Variants in GABRA1 observed in about 807,000 individuals in gnomAD.
GABRA1 encodes gamma-aminobutyric acid receptor subunit alpha-1.
A neutral mutation model predicts 48.9 loss-of-function variants in GABRA1; 9 were observed. The observed-to-expected ratio is 0.18, with a 90% CI of 0.11 to 0.32. The LOEUF is 0.32. Among genes scored for constraint, GABRA1 ranks in the 10% least tolerant of loss-of-function variants. GABRA1 has a pLI of 1.00. For synonymous variants in GABRA1, 210 were observed against 198.7 expected, an observed-to-expected ratio of 1.06 and a Z score of -0.48; for missense variants, 285 against 553.8, an observed-to-expected ratio of 0.51 and a Z score of 4.87.
At chr5:161,882,509 G>A (rs1268079128) in intron 6 of GABRA1, 49 bp from the exon 7 acceptor site, 1 of 1,549,928 alleles carries the variant, frequency 6.5e-7, no homozygotes, top group Admixed American at 1.7e-5. Flanking sequence ...CTAAATAAGA[G>A]AATTGAAGTG....
intron 1 of GABRA1, chr5:161,849,049 C>T (rs1179082883): frequency 2.3e-6 from 1 of 443,310 alleles, no homozygotes; most frequent in African/African-American, 2.0e-5. Context: ...ACGTTTGGAG[C>T]GTGTGTCTGG....
chr5:161,849,355 G>A (rs1375146584), intron 1 of GABRA1, among the ~76,000 whole-genome samples: 1 of 152,074 alleles, frequency 6.6e-6, no homozygotes. Flanking sequence ...TAGTAAAAGG[G>A]TAAATTAAAA....
rs536520286 is a variant in GABRA1, at chr5:161,899,886, A to G, written c.*2464A>G. ...CATGTGTTGCTTTACAGAGTTTAGCAAAAGCTCTTAATTTTATGTCATACT... is the reference window on the plus strand; with the variant it reads ...CATGTGTTGCTTTACAGAGTTTAGCGAAAGCTCTTAATTTTATGTCATACT... On this transcript the variant is annotated 3_prime_UTR_variant, in exon 10 of 10. Transcript: ENST00000393943. 3 of 152,230 alleles carry G rather than the reference A, an allele frequency of 2.0e-5. No homozygotes were observed. The highest frequency in any genetic ancestry group is 4.4e-5 in the Non-Finnish European group (3 of 68,032). The allele number at this position is 152,230 out of a possible 1,614,324, so 9.4% of individuals were successfully genotyped here. A position where few individuals can be genotyped will look rare whatever the true frequency, so the allele number is the denominator to read the frequency against.
At chr5:161,891,163 A>G (rs895913691) in intron 8 of GABRA1, 113 bp downstream of exon 8, 13 of 1,017,824 alleles carry the variant, frequency 1.3e-5, no homozygotes, top group African/African-American at 3.2e-5. Context: ...TATTAAGTTC[A>G]TATAACAGAA....
Position 161,863,159 on chromosome 5 carries a change from A to G in GABRA1, c.188-2562A>G, listed in dbSNP as rs111708994. 1.4e-3 allele frequency among the ~76,000 whole-genome samples: 213 copies of G among 151,202 alleles called. 1 individual carries two copies. The highest frequency in any genetic ancestry group is 4.7e-3 in the African/African-American group (194 of 41,374). ...GGGATGTAATATATAGTATTTGTGT[A>G]TATATATATATACACATATACAGTG... On this transcript the variant is annotated intron_variant, in intron 3 of 9. Transcript: ENST00000393943.
intron 3 of GABRA1, among the ~76,000 whole-genome samples, chr5:161,860,408 T>G (rs988909612): frequency 6.6e-6 from 1 of 151,564 alleles, no homozygotes; most frequent in African/African-American, 2.4e-5. Flanking sequence ...TTCTCACTTA[T>G]TAGTGGAAAT....
chr5:161,891,117 AC>A lies in GABRA1; in HGVS notation c.856+68del, dbSNP rs538900913. 7.7e-5 allele frequency: 111 copies of A among 1,447,428 alleles called. No individual in the cohort carries two copies. The African/African-American group carries it at 1.1e-3, about 14-fold the overall frequency. The allele number at this position is 1,447,428 out of a possible 1,614,324, so 89.7% of individuals were successfully genotyped here. A position where few individuals can be genotyped will look rare whatever the true frequency, so the allele number is the denominator to read the frequency against. The stretch of plus-strand genomic sequence containing the variant: ...AGACAAGTTATGTCATATCTGTGAC[AC>A]TGCAAAGAGAAATAAAAAAAAATAT... On this transcript the variant is annotated intron_variant, in intron 8 of 9. Transcript: ENST00000393943.
At chr5:161,858,004 G>A (rs1437333232) in intron 3 of GABRA1, among the ~76,000 whole-genome samples, 1 of 150,450 alleles carries the variant, frequency 6.6e-6, no homozygotes, top group African/African-American at 2.4e-5. Flanking sequence ...AAAAAGGAAA[G>A]CAAAAGAGGA....
At chr5:161,894,041 T>C (rs182960194) in intron 8 of GABRA1, among the ~76,000 whole-genome samples, 89 of 152,246 alleles carry the variant, frequency 5.8e-4, no homozygotes, top group African/African-American at 2.0e-3. Flanking sequence ...TAAACCAAGA[T>C]TTTTTTAAAA....
intron 3 of GABRA1, among the ~76,000 whole-genome samples, chr5:161,854,829 A>G (rs1472623481): frequency 6.6e-6 from 1 of 151,520 alleles, no homozygotes; most frequent in Non-Finnish European, 1.5e-5. Flanking sequence ...TGGTATATCA[A>G]TTACTCGGTT....
chr5:161,887,194 T>G (rs1754887149), intron 7 of GABRA1, among the ~76,000 whole-genome samples: 1 of 152,190 alleles, frequency 6.6e-6, no homozygotes, highest in Non-Finnish European at 1.5e-5. Flanking sequence ...GAATGACTAT[T>G]GTTAATCCTT....
chr5:161,894,914 G>GA (rs35583035), intron 8 of GABRA1, among the ~76,000 whole-genome samples: 95,081 of 151,722 alleles, frequency 0.63, 30,108 homozygotes, highest in Admixed American at 0.7. Context: ...TTATCAGAAA[G>GA]AAAAAAGATT....
At position 161,899,944 on chromosome 5, in the gene GABRA1, C is replaced by A. The variant is rs977972839; in HGVS notation, c.*2522C>A. The A allele has an allele frequency of 4.6e-5, 7 of 152,036 alleles. No homozygotes were observed. The highest frequency in any genetic ancestry group is 1.9e-4 in the East Asian group (1 of 5,176). The allele number at this position is 152,036 out of a possible 1,614,324, so 9.4% of individuals were successfully genotyped here. A position where few individuals can be genotyped will look rare whatever the true frequency, so the allele number is the denominator to read the frequency against. On this transcript the variant is annotated 3_prime_UTR_variant, in exon 10 of 10. Transcript: ENST00000393943. ...ACTGAATAATAAAGCTAACATTATT[C>A]AATAATAAAATGGAATACTTGACTC...
intron 3 of GABRA1, among the ~76,000 whole-genome samples, chr5:161,863,160 T>C (rs556380023): frequency 1.4e-3 from 215 of 151,274 alleles, no homozygotes; most frequent in Middle Eastern, 6.8e-3. Context: ...TATTTGTGTA[T>C]ATATATATAT....
At chr5:161,882,872 T>A (rs529661362) in intron 7 of GABRA1, among the ~76,000 whole-genome samples, 171 bp downstream of exon 7, 3 of 152,298 alleles carry the variant, frequency 2.0e-5, no homozygotes, top group Admixed American at 2.0e-4. Context: ...ACCTTGGACA[T>A]GTCATTTAAT....
chr5:161,873,376 A>T (rs779102641), intron 5 of GABRA1, 39 bp downstream of exon 5: 2 of 1,483,086 alleles, frequency 1.3e-6, no homozygotes, highest in Non-Finnish European at 1.9e-6. Context: ...ATGTTTCTGT[A>T]CTTCATTCCC....
chr5:161,892,194 T>C (rs1755121007), intron 8 of GABRA1, among the ~76,000 whole-genome samples: 1 of 152,198 alleles, frequency 6.6e-6, no homozygotes, highest in Admixed American at 6.5e-5. Context: ...TATTTATTGG[T>C]GAGAGGTGCA....
chr5:161,898,712 G>A lies in GABRA1; in HGVS notation c.*1290G>A, dbSNP rs1755483670. ...TCATTCCACACATTTCCCTATTTTA[G>A]GCTATTATAATATAGAAAGAAAATG... On this transcript the variant is annotated 3_prime_UTR_variant, in exon 10 of 10. Transcript: ENST00000393943. The A allele has an allele frequency of 6.6e-6, 1 of 152,420 alleles. No homozygotes were observed. Among genetic ancestry groups the A allele is most frequent in the Admixed American group, 6.6e-5 (1 of 15,250 alleles). The allele number at this position is 152,420 out of a possible 1,614,324, so 9.4% of individuals were successfully genotyped here. A position where few individuals can be genotyped will look rare whatever the true frequency, so the allele number is the denominator to read the frequency against.
chr5:161,852,124 ACGTAAAATAAAGATTTCCATTC>A (rs143035235), intron 2 of GABRA1, among the ~76,000 whole-genome samples: 1,590 of 152,208 alleles, frequency 0.01, 31 homozygotes, highest in African/African-American at 0.036. Context: ...TTAAAAAATC[ACGTAAAATAAAGATTTCCATTC>A]CAGCTGGGAA....
Sources: allele counts gnomAD v4.1 joint callset (sites outside exome capture counted in the v4.1 genomes callset), GRCh38; gene constraint gnomAD v4.1.1; transcripts MANE v1.5; gene names NCBI Gene and HGNC (gene_info 2026-07-23, HGNC 2026-07-21).